Variants in KCNE2 observed in about 807,000 individuals in gnomAD.
KCNE2 encodes potassium voltage-gated channel subfamily E regulatory subunit 2, also known as potassium voltage-gated channel subfamily E member 2.
A neutral mutation model predicts 4.5 loss-of-function variants in KCNE2; 4 were observed. The ratio of observed to expected loss-of-function variants is 0.89; its 90% CI spans 0.44 to 2.03. The LOEUF is 2.03. Ranked by LOEUF, KCNE2 falls within the 30% of genes most tolerant of loss-of-function variation. KCNE2 has a pLI of 0.03. For synonymous variants in KCNE2, 57 were observed against 55.9 expected (o/e 1.02, Z -0.09); for missense variants, 137 against 151.4 (o/e 0.90, Z 0.50).
At chr21:34,367,431 C>G (rs1979357309) in intron 1 of KCNE2, among the ~76,000 whole-genome samples, 1 of 152,206 alleles carries the variant, frequency 6.6e-6, no homozygotes, top group Admixed American at 6.5e-5. Flanking sequence ...AAGCACATCT[C>G]TGTTACATTG....
chr21:34,365,033 G>A (rs1165478587), intron 1 of KCNE2, among the ~76,000 whole-genome samples: 2 of 152,218 alleles, frequency 1.3e-5, no homozygotes, highest in Non-Finnish European at 2.9e-5. Context: ...TTATTGGAAT[G>A]TGTGACCTCT....
intron 1 of KCNE2, among the ~76,000 whole-genome samples, chr21:34,369,215 A>G (rs59452583): frequency 6.6e-6 from 1 of 152,158 alleles, no homozygotes; most frequent in African/African-American, 2.4e-5. Context: ...CCATCGCATC[A>G]TTTTAAAAGC....
intron 1 of KCNE2, among the ~76,000 whole-genome samples, chr21:34,366,561 G>T (rs556100893): frequency 1.5e-4 from 23 of 152,146 alleles, no homozygotes; most frequent in Non-Finnish European, 5.9e-5. Flanking sequence ...CCTGCCTTCC[G>T]GGGGCTCAAG....
intron 1 of KCNE2, among the ~76,000 whole-genome samples, chr21:34,364,702 G>A (rs1979219393): frequency 6.6e-6 from 1 of 151,862 alleles, no homozygotes; most frequent in Non-Finnish European, 1.5e-5. Flanking sequence ...GAACCCGGGA[G>A]GTGGAGCTTG....
intron 1 of KCNE2, among the ~76,000 whole-genome samples, chr21:34,368,485 A>T (rs1979442763): frequency 6.6e-6 from 1 of 151,672 alleles, no homozygotes; most frequent in Admixed American, 6.6e-5. Context: ...CTGTAGTCCC[A>T]GCTACTTGGG....
At chr21:34,367,860 CTGCCTG>C (rs1979376951) in intron 1 of KCNE2, among the ~76,000 whole-genome samples, 1 of 152,094 alleles carries the variant, frequency 6.6e-6, no homozygotes, top group Non-Finnish European at 1.5e-5. Flanking sequence ...GGTTTACCTC[CTGCCTG>C]TGCTCCTTCT....
At chr21:34,368,344 T>C (rs897240390) in intron 1 of KCNE2, among the ~76,000 whole-genome samples, 3 of 150,454 alleles carry the variant, frequency 2.0e-5, no homozygotes, top group Non-Finnish European at 4.4e-5. Flanking sequence ...CTCACACCTG[T>C]AATCTCAGCA....
At chr21:34,368,165 C>T (rs913610472) in intron 1 of KCNE2, among the ~76,000 whole-genome samples, 1 of 141,016 alleles carries the variant, frequency 7.1e-6, no homozygotes, top group Non-Finnish European at 1.5e-5. Context: ...ACATGACAGC[C>T]GAGTGGAAAA....
In KCNE2 at chr21:34,364,078, C is replaced by G. The variant is rs978187738; in HGVS notation, c.-86C>G. On this transcript the variant is annotated 5_prime_UTR_variant, in exon 1 of 2. Coordinates refer to ENST00000290310, the MANE Select transcript of KCNE2 (RefSeq NM_172201.2). Reference sequence around the variant, plus strand: ...CTTGTGTGCAACCCAGAAGAGAGCTCGCTAACGCCAGCAAGAAGGTTCAGA... The same window carrying G: ...CTTGTGTGCAACCCAGAAGAGAGCTGGCTAACGCCAGCAAGAAGGTTCAGA... 1 of 152,252 alleles carries G rather than the reference C, an allele frequency of 6.6e-6. No individual in the cohort carries two copies. The highest frequency in any genetic ancestry group is 2.4e-5 in the African/African-American group (1 of 41,454). 9.4% of individuals were successfully genotyped at this position (152,252 alleles called of 1,614,324 possible). A position where few individuals can be genotyped will look rare whatever the true frequency, so the allele number is the denominator to read the frequency against.
intron 1 of KCNE2, 68 bp from the exon 2 acceptor site, chr21:34,370,399 A>G: frequency 6.3e-7 from 1 of 1,599,682 alleles, no homozygotes; most frequent in South Asian, 1.1e-5. Flanking sequence ...TCCCACCTTT[A>G]CATAGCCAAA....
intron 1 of KCNE2, among the ~76,000 whole-genome samples, chr21:34,366,374 C>T (rs1979291969): frequency 6.6e-6 from 1 of 152,022 alleles, no homozygotes; most frequent in African/African-American, 2.4e-5. Context: ...CTCCCCCACC[C>T]CCAATTCCCA....
chr21:34,365,121 T>A (rs1247469317), intron 1 of KCNE2, among the ~76,000 whole-genome samples: 1 of 152,166 alleles, frequency 6.6e-6, no homozygotes, highest in African/African-American at 2.4e-5. Context: ...TTGAGAGGCT[T>A]GTGATCTTGG....
At chr21:34,367,112 C>A (rs1282614431) in intron 1 of KCNE2, among the ~76,000 whole-genome samples, 2 of 145,032 alleles carry the variant, frequency 1.4e-5, no homozygotes, top group Non-Finnish European at 3.0e-5. Flanking sequence ...ACCGGCTGGG[C>A]TTCCTACAAG....
At chr21:34,368,808 A>AT (rs138091848) in intron 1 of KCNE2, among the ~76,000 whole-genome samples, 2,123 of 152,132 alleles carry the variant, frequency 0.014, 53 homozygotes, top group African/African-American at 0.049. Flanking sequence ...GAGGTTACCA[A>AT]TTTTTTTTAA....
At chr21:34,364,491 T>C (rs1285882429) in intron 1 of KCNE2, among the ~76,000 whole-genome samples, 1 of 152,142 alleles carries the variant, frequency 6.6e-6, no homozygotes, top group Non-Finnish European at 1.5e-5. Context: ...ACTTTGGGGC[T>C]GGGCGCGGTG....
rs960725662 is a variant in KCNE2 at position 34,368,203 on chromosome 21, A to C, written c.-12-2264A>C. Among the ~76,000 whole-genome samples, 16 of 90,544 alleles carry C rather than the reference A, an allele frequency of 1.8e-4. 1 individual carries two copies. The highest frequency in any genetic ancestry group is 1.1e-3 in the Admixed American group (8 of 7,100). The allele number at this position is 90,544 out of a possible 152,430, so 59.4% of individuals were successfully genotyped here. On this transcript the variant is annotated intron_variant, in intron 1 of 1. Transcript: ENST00000290310. ...TGAGCCCCTAAACCAATAATCACACACACACACACACACACACACACACAC... is the reference window on the plus strand; with the variant it reads ...TGAGCCCCTAAACCAATAATCACACCCACACACACACACACACACACACAC...
chr21:34,366,026 C>CA lies in KCNE2; in HGVS notation c.-13+1880dup, dbSNP rs1484898053. On this transcript the variant is annotated intron_variant, in intron 1 of 1. Coordinates refer to ENST00000290310, the MANE Select transcript of KCNE2 (RefSeq NM_172201.2). Reference sequence around the variant, plus strand: ...TTTCATCCCTGTGATTAAGTCTTATCAAAAAGCACCTCCTGACCGGCTTAG... The same window carrying CA: ...TTTCATCCCTGTGATTAAGTCTTATCAAAAAAGCACCTCCTGACCGGCTTAG... Among the ~76,000 whole-genome samples, 7 of 152,268 alleles carry CA rather than the reference C, an allele frequency of 4.6e-5. No homozygotes were observed. In the East Asian group the frequency reaches 1.2e-3, roughly 25 times the overall value.
At chr21:34,367,285 CT>C (rs1277763851) in intron 1 of KCNE2, among the ~76,000 whole-genome samples, 3 of 151,592 alleles carry the variant, frequency 2.0e-5, no homozygotes, top group Non-Finnish European at 4.4e-5. Context: ...CTCATCACTA[CT>C]TTTTTATTTT....
intron 1 of KCNE2, 138 bp from the exon 2 acceptor site, chr21:34,370,329 T>C: frequency 1.1e-6 from 1 of 940,904 alleles, no homozygotes; most frequent in East Asian, 2.4e-5. Flanking sequence ...TAACAAAATA[T>C]GCATTAAATC....
Sources: gnomAD v4.1 joint callset for allele counts (sites outside exome capture counted in the v4.1 genomes callset) on GRCh38, gnomAD v4.1.1 for gene constraint, MANE v1.5 for transcripts, NCBI Gene and HGNC (gene_info 2026-07-23, HGNC 2026-07-21) for gene names.